FMNL2: variants seen among roughly 807,000 people sequenced by gnomAD.
FMNL2 encodes the protein formin-like protein 2.
Under a neutral mutation model 130.2 loss-of-function variants are expected in FMNL2, and 51 were observed. The ratio of observed to expected loss-of-function variants is 0.39; its 90% CI spans 0.31 to 0.49. The LOEUF (loss-of-function observed/expected upper bound fraction) is 0.49. Ranked by LOEUF, FMNL2 falls within the 20% of genes least tolerant of loss-of-function variation. FMNL2 has a pLI of 0.85. For synonymous variants in FMNL2, 465 were observed against 467.1 expected (o/e 1.00, Z 0.06); for missense variants, 977 against 1,316.2 (o/e 0.74, Z 3.99).
rs1313319928 is a variant in FMNL2, at chr2:152,649,409, A to G, written c.*1504A>G. The G allele has an allele frequency of 6.6e-6, 1 of 152,494 alleles. No homozygotes were observed. 9.4% of individuals were successfully genotyped at this position (152,494 alleles called of 1,614,324 possible). On this transcript the variant is annotated 3_prime_UTR_variant, in exon 26 of 26. Transcript: ENST00000288670. ...TTAATATATATATTTAACTATAAGG[A>G]CAGTTTAGGGAACAAGTTACCTACC...
intron 9 of FMNL2, among the ~76,000 whole-genome samples, chr2:152,597,436 A>T (rs74485030): frequency 6.6e-6 from 1 of 152,220 alleles, no homozygotes; most frequent in Admixed American, 6.5e-5. Context: ...CCATTTCATC[A>T]TCTAGAGTAT....
intron 15 of FMNL2, among the ~76,000 whole-genome samples, chr2:152,624,823 C>G (rs548503446): frequency 6.6e-6 from 1 of 152,298 alleles, no homozygotes; most frequent in Non-Finnish European, 1.5e-5. Flanking sequence ...GGTGACAGAG[C>G]AAGACCTCAA....
At chr2:152,348,005 C>A (rs1475097338) in intron 1 of FMNL2, among the ~76,000 whole-genome samples, 3 of 149,504 alleles carry the variant, frequency 2.0e-5, no homozygotes, top group Non-Finnish European at 4.4e-5. Flanking sequence ...GTATTTTTTT[C>A]CCCCGGTGAT....
At chr2:152,528,681 G>T (rs774865892) in intron 2 of FMNL2, among the ~76,000 whole-genome samples, 2 of 152,158 alleles carry the variant, frequency 1.3e-5, no homozygotes, top group Non-Finnish European at 2.9e-5. Context: ...CTGGTGGTTG[G>T]GGGAGGAGGT....
intron 1 of FMNL2, among the ~76,000 whole-genome samples, chr2:152,486,048 A>AT (rs1359147839): frequency 6.6e-6 from 1 of 152,188 alleles, no homozygotes; most frequent in African/African-American, 2.4e-5. Flanking sequence ...GAACTTGGGT[A>AT]TCTTGAGGCC....
At chr2:152,516,122 C>T (rs754496748) in intron 1 of FMNL2, among the ~76,000 whole-genome samples, 4 of 151,936 alleles carry the variant, frequency 2.6e-5, no homozygotes, top group Non-Finnish European at 4.4e-5. Context: ...TTTTTTGTAG[C>T]GACAAGTAAT....
At chr2:152,347,529 A>C (rs750363127) in intron 1 of FMNL2, among the ~76,000 whole-genome samples, 1 of 152,210 alleles carries the variant, frequency 6.6e-6, no homozygotes, top group African/African-American at 2.4e-5. Flanking sequence ...AAAGTAAAGC[A>C]TGAATGGGGA....
intron 1 of FMNL2, among the ~76,000 whole-genome samples, chr2:152,439,178 G>C (rs1161358974): frequency 6.6e-6 from 1 of 151,508 alleles, no homozygotes; most frequent in African/African-American, 2.4e-5. Context: ...GGCTTTTGGA[G>C]AAAAAAGTTG....
intron 1 of FMNL2, among the ~76,000 whole-genome samples, chr2:152,405,796 G>C (rs1685949456): frequency 6.6e-6 from 1 of 152,156 alleles, no homozygotes; most frequent in Admixed American, 6.5e-5. Flanking sequence ...GATTTTTATG[G>C]TTTGCAGTAG....
chr2:152,621,702 T>C (rs767118876), intron 15 of FMNL2, among the ~76,000 whole-genome samples: 15 of 152,252 alleles, frequency 9.9e-5, no homozygotes, highest in Admixed American at 8.5e-4. Flanking sequence ...AATCTTTCTT[T>C]ATTATTCATC....
chr2:152,430,626 A>G (rs988103935), intron 1 of FMNL2, among the ~76,000 whole-genome samples: 1 of 152,160 alleles, frequency 6.6e-6, no homozygotes, highest in African/African-American at 2.4e-5. Flanking sequence ...TAATCCTAGC[A>G]TTTTGGGAGG....
chr2:152,511,430 A>G (rs1692491675), intron 1 of FMNL2, among the ~76,000 whole-genome samples: 1 of 152,212 alleles, frequency 6.6e-6, no homozygotes, highest in Non-Finnish European at 1.5e-5. Context: ...CAGCAAGTCT[A>G]CCTTTGAAGT....
intron 2 of FMNL2, among the ~76,000 whole-genome samples, chr2:152,526,968 T>A (rs544433587): frequency 2.2e-4 from 33 of 152,278 alleles, no homozygotes; most frequent in African/African-American, 7.7e-4. Flanking sequence ...ATGTTCTTCC[T>A]ATCTAGTTTG....
At chr2:152,595,353 T>G (rs1697705576) in intron 9 of FMNL2, among the ~76,000 whole-genome samples, 1 of 152,210 alleles carries the variant, frequency 6.6e-6, no homozygotes, top group Admixed American at 6.5e-5. Context: ...AGAGTCTTGC[T>G]CTTGTCACCT....
intron 1 of FMNL2, among the ~76,000 whole-genome samples, chr2:152,451,148 GT>G (rs541504757): frequency 1.6e-4 from 24 of 151,450 alleles, no homozygotes; most frequent in Non-Finnish European, 3.0e-4. Context: ...TTGGACTTCA[GT>G]TTTTTTTTGT....
At chr2:152,475,267 G>GT (rs1283532679) in intron 1 of FMNL2, among the ~76,000 whole-genome samples, 2 of 152,284 alleles carry the variant, frequency 1.3e-5, no homozygotes, top group East Asian at 3.9e-4. Context: ...CTTTGTAGCA[G>GT]TTCATTAAAT....
At chr2:152,368,841 TC>T (rs1683710078) in intron 1 of FMNL2, among the ~76,000 whole-genome samples, 1 of 152,242 alleles carries the variant, frequency 6.6e-6, no homozygotes, top group African/African-American at 2.4e-5. Flanking sequence ...AACATTTTTT[TC>T]CTCCTGACTT....
chr2:152,596,039 T>C (rs1005126009), intron 9 of FMNL2, among the ~76,000 whole-genome samples: 1 of 150,808 alleles, frequency 6.6e-6, no homozygotes, highest in African/African-American at 2.4e-5. Flanking sequence ...CTCGGCTCAC[T>C]GCAACCTCCT....
chr2:152,518,799 C>G (rs530831787), intron 1 of FMNL2, among the ~76,000 whole-genome samples: 115 of 152,348 alleles, frequency 7.5e-4, no homozygotes, highest in African/African-American at 2.7e-3. Flanking sequence ...GTCCTGGCCT[C>G]CTACTGGCTC....
Sources: allele counts gnomAD v4.1 joint callset (sites outside exome capture counted in the v4.1 genomes callset), GRCh38; gene constraint gnomAD v4.1.1; transcripts MANE v1.5; gene names NCBI Gene and HGNC (gene_info 2026-07-23, HGNC 2026-07-21).